Variants in SDK2 observed in about 807,000 individuals in gnomAD.
The protein encoded by SDK2 is sidekick cell adhesion molecule 2.
Under a neutral mutation model 253.9 loss-of-function variants are expected in SDK2, and 105 were observed. The ratio of observed to expected loss-of-function variants is 0.41; its 90% CI spans 0.35 to 0.49. The LOEUF is 0.49. SDK2 is among the 20% of genes least tolerant of loss of function. The probability of loss-of-function intolerance (pLI) is 0.06; values close to 1 mark genes in which losing one functional copy is unlikely to be tolerated. For synonymous variants in SDK2, 1,249 were observed against 1,234.9 expected (o/e 1.01, Z -0.24); for missense variants, 2,608 against 3,003.0 (o/e 0.87, Z 3.07).
chr17:73,540,700 A>C (rs2044855024), intron 1 of SDK2, among the ~76,000 whole-genome samples: 1 of 152,210 alleles, frequency 6.6e-6, no homozygotes, highest in African/African-American at 2.4e-5. Flanking sequence ...ATAAATGAGG[A>C]AACTGAGGCT....
rs1450247131 is a variant in SDK2 at position 73,496,104 on chromosome 17, T to G, written c.224+11334A>C. ...GGGAAGGAACCGTGGCCAGGAAGAA[T>G]GAGGTGGGAGGAGCCTGCCCTGCTG... On this transcript the variant is annotated intron_variant, in intron 2 of 44. Transcript: ENST00000392650. The surrounding 1 kb of genome is among the most constrained non-coding windows in gnomAD (Gnocchi z 4.7). Among the ~76,000 whole-genome samples the G allele has an allele frequency of 6.6e-6, 1 of 151,900 alleles. No individual in the cohort carries two copies. The highest frequency in any genetic ancestry group is 1.5e-5 in the Non-Finnish European group (1 of 67,962).
At position 73,380,950 on chromosome 17, in the gene SDK2, G is replaced by A. The variant is rs1209386474; in HGVS notation, c.4706C>T (p.Ser1569Phe). 4.0e-6 allele frequency: 6 copies of A among 1,500,066 alleles called. No individual in the cohort carries two copies. Among genetic ancestry groups the A allele is most frequent in the Non-Finnish European group, 5.5e-6 (6 of 1,100,108 alleles). The allele number at this position is 1,500,066 out of a possible 1,614,324, so 92.9% of individuals were successfully genotyped here. The change falls in exon 34 of 45, where the codon TCC (serine) becomes TTC (phenylalanine). Residue 1569 changes from serine (S) to phenylalanine (F), a missense_variant and splice_region_variant. This residue lies in a region of SDK2 where 1,103 missense variants were observed against 1,143.9 expected (regional missense o/e 0.96). Transcript: ENST00000392650. ...GCTCAGGTTCCGCATGGAGTACATG[G>A]CTATGGGGTGGGGGTGCCGGGGCGG... ...NPGATWAELT[S>F]MYSMRNLSRP...
intron 1 of SDK2, among the ~76,000 whole-genome samples, chr17:73,624,159 C>T (rs1014277333): frequency 6.6e-6 from 1 of 152,212 alleles, no homozygotes; most frequent in African/African-American, 2.4e-5. Context: ...AAGCCAATAG[C>T]TTCTCCATAC....
intron 33 of SDK2, among the ~76,000 whole-genome samples, chr17:73,382,849 AACAACAACG>A (rs558685135): frequency 1.1e-4 from 16 of 143,156 alleles, no homozygotes; most frequent in South Asian, 4.2e-4. Context: ...TAACAACAAC[AACAACAACG>A]ACAACAACAA....
intron 15 of SDK2, among the ~76,000 whole-genome samples, chr17:73,421,971 A>G (rs2063235270): frequency 1.3e-5 from 2 of 151,852 alleles, no homozygotes. Context: ...TTTTGCATCC[A>G]TTTAACAATG....
At position 73,469,992 on chromosome 17, in the gene SDK2, G is replaced by GCACACACA. The variant is rs34448667; in HGVS notation, c.331+2112_331+2119dup. Among the ~76,000 whole-genome samples the GCACACACA allele has an allele frequency of 7.5e-3, 947 of 126,238 alleles. 8 individuals carry two copies. Among genetic ancestry groups the GCACACACA allele is most frequent in the Middle Eastern group, 0.018 (4 of 226 alleles). The allele number at this position is 126,238 out of a possible 152,430, so 82.8% of individuals were successfully genotyped here. A position where few individuals can be genotyped will look rare whatever the true frequency, so the allele number is the denominator to read the frequency against. On this transcript the variant is annotated intron_variant, in intron 3 of 44. Coordinates refer to ENST00000392650, the MANE Select transcript of SDK2 (RefSeq NM_001144952.2). ...ATGGCATTTGCGACTGCGCGCGCGC[G>GCACACACA]CACACACACACACACACACACACAC...
chr17:73,502,448 C>A (rs1323483960), intron 2 of SDK2, among the ~76,000 whole-genome samples: 1 of 151,948 alleles, frequency 6.6e-6, no homozygotes, highest in Admixed American at 6.6e-5. Context: ...TTTTTGAGCC[C>A]AAAACAAGGA....
At chr17:73,631,324 G>A (rs1433736642) in intron 1 of SDK2, among the ~76,000 whole-genome samples, 1 of 152,172 alleles carries the variant, frequency 6.6e-6, no homozygotes, top group East Asian at 1.9e-4. Flanking sequence ...CTCCAAATGG[G>A]GAAGTCAAGG....
At chr17:73,624,351 C>T (rs2046174204) in intron 1 of SDK2, among the ~76,000 whole-genome samples, 2 of 152,170 alleles carry the variant, frequency 1.3e-5, no homozygotes, top group Non-Finnish European at 2.9e-5. Flanking sequence ...AAACAATTAG[C>T]TGGTGTGGTA....
In SDK2 at chr17:73,394,325, C is replaced by G; in HGVS notation, c.3593-1G>C. 1 of 1,568,054 alleles carries G rather than the reference C, an allele frequency of 6.4e-7. No individual in the cohort carries two copies. Among genetic ancestry groups the G allele is most frequent in the Non-Finnish European group, 8.7e-7 (1 of 1,152,742 alleles). ...ACATTGGTGGGGCCGGAAGAGGGAA[C>G]TGTGGGGGAAAGGGAGTGGAGAGAA... is the stretch of plus-strand genomic sequence containing the variant. On this transcript the variant is annotated splice_acceptor_variant, in intron 25 of 44. Coordinates refer to ENST00000392650, the MANE Select transcript of SDK2 (RefSeq NM_001144952.2). LOFTEE classifies it high-confidence loss of function.
At chr17:73,510,128 T>A (rs1481681534) in intron 1 of SDK2, among the ~76,000 whole-genome samples, 4 of 151,812 alleles carry the variant, frequency 2.6e-5, no homozygotes, top group Non-Finnish European at 4.4e-5. Context: ...CCTCTCACCA[T>A]CAGATCTGCC....
chr17:73,566,734 A>G (rs1204268211), intron 1 of SDK2, among the ~76,000 whole-genome samples: 2 of 152,194 alleles, frequency 1.3e-5, no homozygotes, highest in South Asian at 2.1e-4. Context: ...GAGAGACACC[A>G]CTTACAAGTA....
intron 8 of SDK2, among the ~76,000 whole-genome samples, chr17:73,437,220 G>A (rs894964724): frequency 2.6e-5 from 4 of 152,220 alleles, no homozygotes; most frequent in South Asian, 2.1e-4. Context: ...CCCTGGCTGC[G>A]GGCTGTCTTT....
intron 1 of SDK2, among the ~76,000 whole-genome samples, chr17:73,543,018 G>A (rs2044894968): frequency 6.6e-6 from 1 of 152,176 alleles, no homozygotes. Flanking sequence ...CCCCTCTGCA[G>A]CATAGGCAGG....
chr17:73,450,650 G>C (rs879674159), intron 4 of SDK2, among the ~76,000 whole-genome samples: 8 of 152,164 alleles, frequency 5.3e-5, no homozygotes, highest in Admixed American at 2.6e-4. Flanking sequence ...GATCAGGAAG[G>C]CTCCTTTCAC....
rs566103348 is a variant in SDK2 at position 73,639,230 on chromosome 17, C to A, written c.64+4795G>T. Reference sequence around the variant, plus strand: ...CAGAAGCCACGCTGGGAGCCATTCACCACGTCTGCAGGAGAAGGGTCTCCC... The same window carrying A: ...CAGAAGCCACGCTGGGAGCCATTCAACACGTCTGCAGGAGAAGGGTCTCCC... On this transcript the variant is annotated intron_variant, in intron 1 of 44. Transcript: ENST00000392650. The surrounding 1 kb of genome is among the most constrained non-coding windows in gnomAD (Gnocchi z 4.3). 3.3e-5 allele frequency among the ~76,000 whole-genome samples: 5 copies of A among 152,168 alleles called. No homozygotes were observed. Among genetic ancestry groups the A allele is most frequent in the Non-Finnish European group, 5.9e-5 (4 of 68,028 alleles).
chr17:73,627,473 A>T (rs1187746566), intron 1 of SDK2, among the ~76,000 whole-genome samples: 4 of 152,178 alleles, frequency 2.6e-5, no homozygotes, highest in Admixed American at 1.3e-4. Context: ...TCCCCCACCC[A>T]TGTGGAAACA....
chr17:73,386,638 T>C, intron 30 of SDK2, 90 bp from the exon 31 acceptor site: 3 of 894,136 alleles, frequency 3.4e-6, no homozygotes, highest in Non-Finnish European at 3.6e-6. Context: ...GATCTGGCCC[T>C]GCTCGGGAAA....
At chr17:73,504,086 T>G (rs940182768) in intron 2 of SDK2, among the ~76,000 whole-genome samples, 1 of 152,002 alleles carries the variant, frequency 6.6e-6, no homozygotes, top group Non-Finnish European at 1.5e-5. Flanking sequence ...GTGGTGCACT[T>G]GTGGTCTCCT....
Sources: gnomAD v4.1 joint callset for allele counts (sites outside exome capture counted in the v4.1 genomes callset) on GRCh38, gnomAD v4.1.1 for gene constraint, gnomAD v4.1.1 regional missense constraint, Gnocchi (gnomAD v3.1) non-coding constraint, MANE v1.5 for transcripts, NCBI Gene and HGNC (gene_info 2026-07-23, HGNC 2026-07-21) for gene names.